IPO11: variants seen among roughly 807,000 people sequenced by gnomAD.
IPO11 encodes the protein importin-11.
In IPO11, 66 loss-of-function variants were observed where a neutral mutation model predicts 143.2. The ratio of observed to expected loss-of-function variants is 0.46; its 90% CI spans 0.38 to 0.57. The LOEUF (loss-of-function observed/expected upper bound fraction) is 0.57, where lower values mean the gene tolerates loss of function less well. Among genes scored for constraint, IPO11 ranks in the 20% least tolerant of loss-of-function variants. The pLI is 0.00. For missense variants in IPO11, 1,026 were observed against 1,141.0 expected, an observed-to-expected ratio of 0.90 and a Z score of 1.45; for synonymous variants, 385 against 377.8, an observed-to-expected ratio of 1.02 and a Z score of -0.22.
chr5:62,486,397 ATTC>A (rs1746407729), intron 12 of IPO11, among the ~76,000 whole-genome samples: 1 of 152,236 alleles, frequency 6.6e-6, no homozygotes, highest in South Asian at 2.1e-4. Context: ...GAAAGCTGCC[ATTC>A]TTAAGCTAGA....
chr5:62,591,244 A>G (rs1478175266), intron 27 of IPO11, among the ~76,000 whole-genome samples: 1 of 152,150 alleles, frequency 6.6e-6, no homozygotes, highest in Non-Finnish European at 1.5e-5. Flanking sequence ...GTGTCATTAG[A>G]AGAGCAGAAA....
At chr5:62,474,858 G>C (rs894992289) in intron 8 of IPO11, among the ~76,000 whole-genome samples, 2 of 152,142 alleles carry the variant, frequency 1.3e-5, no homozygotes, top group Admixed American at 6.5e-5. Flanking sequence ...TGATTAACAG[G>C]CAGGTAGTGT....
Position 62,627,424 on chromosome 5 carries a change from A to G in IPO11, c.*106A>G. The G allele has an allele frequency of 9.4e-7, 1 of 1,059,348 alleles. No individual in the cohort carries two copies. The highest frequency in any genetic ancestry group is 1.4e-6 in the Non-Finnish European group (1 of 738,354). 65.6% of individuals were successfully genotyped at this position (1,059,348 alleles called of 1,614,324 possible). ...GAGATGAAGAAATCACTTCATGAAA[A>G]TAAGCAAAGACCACACATTTTTTAC... On this transcript the variant is annotated 3_prime_UTR_variant, in exon 30 of 30. Coordinates refer to ENST00000325324, the MANE Select transcript of IPO11 (RefSeq NM_016338.5).
At chr5:62,609,935 G>A (rs1056888563) in intron 29 of IPO11, among the ~76,000 whole-genome samples, 10 of 151,522 alleles carry the variant, frequency 6.6e-5, no homozygotes, top group Admixed American at 1.3e-4. Context: ...TGCTTCTGGC[G>A]CCTGCTCCTG....
rs869236693 is a variant in IPO11, at chr5:62,416,182, CT to C, written c.-7+3270del. Among the ~76,000 whole-genome samples the C allele has an allele frequency of 3.3e-3, 406 of 123,466 alleles. 1 individual carries two copies. The highest frequency in any genetic ancestry group is 9.0e-3 in the Middle Eastern group (2 of 222). The allele number at this position is 123,466 out of a possible 152,430, so 81.0% of individuals were successfully genotyped here. ...TTTCTGTTTTCTTTTTTTTTCTTTT[CT>C]TTTTTTTTTTTTTTTTGAGACGGAG... On this transcript the variant is annotated intron_variant, in intron 1 of 29. Transcript: ENST00000325324.
chr5:62,536,414 TATTCATTC>T (rs33998415), intron 22 of IPO11, among the ~76,000 whole-genome samples: 2 of 125,894 alleles, frequency 1.6e-5, no homozygotes, highest in East Asian at 2.2e-4. Context: ...TTGATACCAG[TATTCATTC>T]ATTCATTCAT....
At chr5:62,602,378 T>A (rs1329971355) in intron 29 of IPO11, among the ~76,000 whole-genome samples, 1 of 152,168 alleles carries the variant, frequency 6.6e-6, no homozygotes, top group East Asian at 1.9e-4. Flanking sequence ...TTATATATAA[T>A]CGTGAATGTT....
chr5:62,568,183 C>G (rs753086637), intron 27 of IPO11, among the ~76,000 whole-genome samples: 8 of 151,434 alleles, frequency 5.3e-5, no homozygotes, highest in Non-Finnish European at 7.4e-5. Context: ...CCAGTCTGGT[C>G]AGACCCCTGA....
chr5:62,602,666 A>G (rs1278505007), intron 29 of IPO11, among the ~76,000 whole-genome samples: 1 of 152,194 alleles, frequency 6.6e-6, no homozygotes, highest in Admixed American at 6.5e-5. Context: ...GTTAGCTCTC[A>G]AGGGCCTAAT....
chr5:62,456,600 G>A (rs1274794148), intron 5 of IPO11, among the ~76,000 whole-genome samples: 2 of 152,154 alleles, frequency 1.3e-5, no homozygotes, highest in African/African-American at 2.4e-5. Context: ...GGGACCACAG[G>A]CACGTACGAC....
At chr5:62,451,699 T>C in intron 4 of IPO11, 31 bp from the exon 5 acceptor site, 1 of 1,561,436 alleles carries the variant, frequency 6.4e-7, no homozygotes, top group Non-Finnish European at 8.8e-7. Context: ...TCTATTGCCT[T>C]GATTCCATTT....
intron 20 of IPO11, among the ~76,000 whole-genome samples, chr5:62,525,917 A>G (rs746297753): frequency 2.0e-5 from 3 of 152,204 alleles, no homozygotes; most frequent in Non-Finnish European, 4.4e-5. Flanking sequence ...GCCTTGACAT[A>G]TATATTTTTT....
At chr5:62,555,311 C>T (rs1208671706) in intron 26 of IPO11, among the ~76,000 whole-genome samples, 1 of 147,992 alleles carries the variant, frequency 6.8e-6, no homozygotes, top group African/African-American at 2.5e-5. Context: ...TAAAAATTTG[C>T]TGTTTTATTT....
rs75007833 is a variant in IPO11, at chr5:62,499,951, G to A, written c.1591-4716G>A. 4.4e-3 allele frequency among the ~76,000 whole-genome samples: 673 copies of A among 152,200 alleles called. 8 individuals carry two copies. Among genetic ancestry groups the A allele is most frequent in the African/African-American group, 0.016 (648 of 41,514 alleles). On this transcript the variant is annotated intron_variant, in intron 16 of 29. Transcript: ENST00000325324. ...TTGTCCCACTAGAAGGTCTTCTGGG[G>A]CGTTAACACACATGCAGCTGTCATC...
intron 19 of IPO11, among the ~76,000 whole-genome samples, chr5:62,510,972 G>A (rs763533827): frequency 2.6e-5 from 4 of 152,118 alleles, no homozygotes; most frequent in African/African-American, 4.8e-5. Context: ...ACCTTCAAGC[G>A]ATCTGCCCTC....
chr5:62,491,011 C>G (rs1366690544), intron 15 of IPO11, among the ~76,000 whole-genome samples: 1 of 152,148 alleles, frequency 6.6e-6, no homozygotes, highest in Admixed American at 6.5e-5. Context: ...AAACCTCTTT[C>G]ATAGTTTATA....
chr5:62,571,692 T>TA lies in IPO11; in HGVS notation c.2582+10435_2582+10436insA. ...ATGGGGATGGACATTATTAAACTTT[T>TA]TTTTTTTTTTTTTGAGACAGCCTTG... On this transcript the variant is annotated intron_variant, in intron 27 of 29. Transcript: ENST00000325324. 2.0e-5 allele frequency among the ~76,000 whole-genome samples: 3 copies of TA among 151,724 alleles called. No individual in the cohort carries two copies. In the Middle Eastern group the frequency reaches 0.01, roughly 516 times the overall value.
intron 24 of IPO11, 33 bp from the exon 25 acceptor site, chr5:62,550,334 G>A (rs369191373): frequency 4.1e-6 from 6 of 1,474,572 alleles, no homozygotes; most frequent in African/African-American, 2.8e-5. Flanking sequence ...ATGACTTGCA[G>A]TATTATCACC....
At chr5:62,519,280 A>G (rs982640584) in intron 20 of IPO11, among the ~76,000 whole-genome samples, 5 of 152,174 alleles carry the variant, frequency 3.3e-5, no homozygotes, top group Admixed American at 1.3e-4. Context: ...TAATGTTGAC[A>G]GATAAAGGAG....
Sources: gnomAD v4.1 joint callset for allele counts (sites outside exome capture counted in the v4.1 genomes callset) on GRCh38, gnomAD v4.1.1 for gene constraint, MANE v1.5 for transcripts, NCBI Gene and HGNC (gene_info 2026-07-23, HGNC 2026-07-21) for gene names.